Variants in CHUK observed in about 807,000 individuals in gnomAD.
CHUK encodes inhibitor of nuclear factor kappa-B kinase subunit alpha.
In CHUK, 35 loss-of-function variants were observed where a neutral mutation model predicts 104.8. That is an observed-to-expected ratio of 0.33 (90% CI 0.26 to 0.44). CHUK has a LOEUF of 0.44. CHUK is among the 20% of genes least tolerant of loss of function. The pLI is 1.00. For synonymous variants in CHUK, 276 were observed against 291.9 expected, an observed-to-expected ratio of 0.95 and a Z score of 0.56; for missense variants, 663 against 902.7, an observed-to-expected ratio of 0.73 and a Z score of 3.40.
chr10:100,219,150 C>T lies in CHUK; in HGVS notation c.565-18G>A. 2.5e-6 allele frequency: 4 copies of T among 1,612,316 alleles called. No individual in the cohort carries two copies. The South Asian group carries it at 4.4e-5, about 18-fold the overall frequency. ...TCTGGGGCCTTCAAAAGAGAAAATG[C>T]TTTAAACACCAACACTGTATGGGAA... On this transcript the variant is annotated intron_variant, in intron 6 of 20. Coordinates refer to ENST00000370397, the MANE Select transcript of CHUK (RefSeq NM_001278.5).
chr10:100,221,043 A>G (rs1845975211), intron 4 of CHUK, among the ~76,000 whole-genome samples: 2 of 152,156 alleles, frequency 1.3e-5, no homozygotes, highest in Admixed American at 6.5e-5. Context: ...CTATGGGGAA[A>G]CAAATTTTTG....
chr10:100,210,890 G>A (rs1845713547), intron 9 of CHUK, among the ~76,000 whole-genome samples: 1 of 152,216 alleles, frequency 6.6e-6, no homozygotes, highest in Non-Finnish European at 1.5e-5. Context: ...AGCGCGGACA[G>A]CCACAGAGTT....
intron 10 of CHUK, among the ~76,000 whole-genome samples, chr10:100,209,038 A>C (rs1845659077): frequency 1.3e-5 from 2 of 152,334 alleles, no homozygotes; most frequent in South Asian, 4.1e-4. Flanking sequence ...AGATAAGGGT[A>C]ATCACCCCAG....
In CHUK at chr10:100,194,571, A is replaced by G. The variant is rs536099289; in HGVS notation, c.1730-50T>C. On this transcript the variant is annotated intron_variant, in intron 16 of 20. Transcript: ENST00000370397. Reference sequence around the variant, plus strand: ...TATAACCTTTCTTCTGTAACATATCAGCCTCCAAACAAAAAATTCCTCAAA... The same window carrying G: ...TATAACCTTTCTTCTGTAACATATCGGCCTCCAAACAAAAAATTCCTCAAA... 8.8e-6 allele frequency: 11 copies of G among 1,244,368 alleles called. No homozygotes were observed. The African/African-American group carries it at 1.6e-4, about 18-fold the overall frequency. 77.1% of individuals were successfully genotyped at this position (1,244,368 alleles called of 1,614,324 possible). A position where few individuals can be genotyped will look rare whatever the true frequency, so the allele number is the denominator to read the frequency against.
chr10:100,194,280 G>A, intron 17 of CHUK, 145 bp downstream of exon 17: 1 of 1,072,552 alleles, frequency 9.3e-7, no homozygotes, highest in Non-Finnish European at 1.4e-6. Flanking sequence ...ACACATAAAT[G>A]CAGATAGCTA....
At chr10:100,193,115 GT>G in intron 19 of CHUK, 182 bp downstream of exon 19, 1 of 664,902 alleles carries the variant, frequency 1.5e-6, no homozygotes, top group South Asian at 1.7e-5. Context: ...AGACATTCCT[GT>G]TTTACAGGTG....
intron 16 of CHUK, among the ~76,000 whole-genome samples, chr10:100,199,563 G>T (rs978291101): frequency 3.9e-5 from 6 of 152,186 alleles, no homozygotes; most frequent in Non-Finnish European, 5.9e-5. Context: ...CTGACCTCAG[G>T]TGATCCACCC....
chr10:100,223,683 T>C (rs1224648111), intron 2 of CHUK, among the ~76,000 whole-genome samples: 1 of 152,152 alleles, frequency 6.6e-6, no homozygotes, highest in Non-Finnish European at 1.5e-5. Flanking sequence ...TAATTTATAC[T>C]ATTAAGCTTT....
At chr10:100,219,223 G>A in intron 6 of CHUK, 47 bp downstream of exon 6, 1 of 1,548,798 alleles carries the variant, frequency 6.5e-7, no homozygotes. Flanking sequence ...TCAGAAATAA[G>A]AGAATCCTAT....
chr10:100,207,850 A>G (rs945231433), intron 10 of CHUK, among the ~76,000 whole-genome samples: 2 of 152,162 alleles, frequency 1.3e-5, no homozygotes, highest in African/African-American at 4.8e-5. Flanking sequence ...AAAATTTGGT[A>G]AATTTACTTT....
intron 10 of CHUK, 124 bp downstream of exon 10, chr10:100,209,471 G>T: frequency 1.4e-6 from 1 of 693,550 alleles, no homozygotes. Flanking sequence ...AGAGTTGGGA[G>T]AAGGACAAAA....
At chr10:100,216,202 T>C (rs1031176524) in intron 9 of CHUK, among the ~76,000 whole-genome samples, 1 of 152,184 alleles carries the variant, frequency 6.6e-6, no homozygotes, top group Non-Finnish European at 1.5e-5. Flanking sequence ...ATGATTCCTA[T>C]GACAAGTATG....
chr10:100,220,931 G>GA lies in CHUK; in HGVS notation c.386-256dup, dbSNP rs146250656. Reference sequence around the variant, plus strand: ...AAATAGAAATGCAACAAGCAATTGGGAAAATCCCTGAAACTCTTATAAGCC... The same window carrying GA: ...AAATAGAAATGCAACAAGCAATTGGGAAAAATCCCTGAAACTCTTATAAGCC... On this transcript the variant is annotated intron_variant, in intron 4 of 20. Coordinates refer to ENST00000370397, the MANE Select transcript of CHUK (RefSeq NM_001278.5). Among the ~76,000 whole-genome samples the GA allele has an allele frequency of 2.5e-3, 380 of 152,264 alleles. 2 individuals are homozygous for GA. Among genetic ancestry groups the GA allele is most frequent in the African/African-American group, 8.4e-3 (350 of 41,560 alleles).
chr10:100,209,759 T>C lies in CHUK; in HGVS notation c.964A>G (p.Lys322Glu). The C allele has an allele frequency of 6.6e-7, 1 of 1,509,236 alleles. No homozygotes were observed. Among genetic ancestry groups the C allele is most frequent in the Non-Finnish European group, 9.2e-7 (1 of 1,084,536 alleles). 93.5% of individuals were successfully genotyped at this position (1,509,236 alleles called of 1,614,324 possible). Residue 322 changes from lysine (K) to glutamate (E), a missense_variant, in exon 10 of 21, where the codon AAG becomes GAG. Around this residue, in one of 5 missense-constraint regions of CHUK, gnomAD observed 93 missense variants for 95.9 expected, o/e 0.97. Coordinates refer to ENST00000370397, the MANE Select transcript of CHUK (RefSeq NM_001278.5). ...IVHILNMTSA[K>E]IISFLLPPDE... ...GGTGGTAACAGAAAAGAAATTATCT[T>C]TGCAGAAGTCATATTTAGGATGTGT...
At chr10:100,211,921 C>T (rs1268836585) in intron 9 of CHUK, among the ~76,000 whole-genome samples, 5 of 151,396 alleles carry the variant, frequency 3.3e-5, no homozygotes, top group East Asian at 1.9e-4. Flanking sequence ...TGCTGTGTCA[C>T]GCAGGCTGAT....
intron 9 of CHUK, among the ~76,000 whole-genome samples, chr10:100,217,147 C>T (rs1331007245): frequency 6.6e-6 from 1 of 151,464 alleles, no homozygotes; most frequent in Non-Finnish European, 1.5e-5. Flanking sequence ...CAGTGACAAG[C>T]TGGTCTTGTA....
chr10:100,212,087 T>C (rs1845742661), intron 9 of CHUK, among the ~76,000 whole-genome samples: 1 of 152,156 alleles, frequency 6.6e-6, no homozygotes. Flanking sequence ...TTCTGCATGT[T>C]GCCCAGTCTG....
intron 14 of CHUK, 102 bp downstream of exon 14, chr10:100,201,985 AG>A: frequency 1.1e-6 from 1 of 877,262 alleles, no homozygotes; most frequent in Non-Finnish European, 1.9e-6. Context: ...TCTGAATTTC[AG>A]GAATGACATG....
downstream of CHUK, chr10:100,186,631 G>A (rs185072140): frequency 6.6e-6 from 1 of 152,290 alleles, no homozygotes; most frequent in African/African-American, 2.4e-5. Flanking sequence ...ACCAAAGTAA[G>A]TACTTCAGTT....
Sources: gnomAD v4.1 joint callset for allele counts (sites outside exome capture counted in the v4.1 genomes callset) on GRCh38, gnomAD v4.1.1 for gene constraint, gnomAD v4.1.1 regional missense constraint, MANE v1.5 for transcripts, NCBI Gene and HGNC (gene_info 2026-07-23, HGNC 2026-07-21) for gene names.